MPI: variants seen among roughly 807,000 people sequenced by gnomAD.
MPI encodes the protein mannose-6-phosphate isomerase.
A neutral mutation model predicts 40.1 loss-of-function variants in MPI; 33 were observed. The ratio of observed to expected loss-of-function variants is 0.82; its 90% CI spans 0.62 to 1.10. MPI has a LOEUF of 1.10. Among genes scored for constraint, MPI ranks in the 50% least tolerant of loss-of-function variants. MPI has a pLI of 0.00. For synonymous variants in MPI, 187 were observed against 207.4 expected, an observed-to-expected ratio of 0.90 and a Z score of 0.85; for missense variants, 514 against 524.1, an observed-to-expected ratio of 0.98 and a Z score of 0.19.
intron 3 of MPI, 124 bp downstream of exon 3, chr15:74,891,703 C>A: frequency 1.9e-6 from 2 of 1,027,140 alleles, no homozygotes; most frequent in Non-Finnish European, 3.0e-6. Flanking sequence ...CAAATCCAGG[C>A]TGACAACTCC....
intron 5 of MPI, among the ~76,000 whole-genome samples, chr15:74,894,107 T>TGTGTGTGTGTGTGTGTTTCTGAGCCAG (rs1555478772): frequency 9.8e-5 from 6 of 60,996 alleles, no homozygotes; most frequent in Non-Finnish European, 2.8e-4. Context: ...TGTGTGTGTG[T>TGTGTGTGTGTGTGTGTTTCTGAGCCAG]GGTCTCTTTC....
chr15:74,891,116 G>C, intron 2 of MPI: 1 of 598,854 alleles, frequency 1.7e-6, no homozygotes. Context: ...TCTCCTCTTT[G>C]GACAGACAAA....
At chr15:74,894,038 CAGTGTGTGTGTGTGTGTGTG>C (rs2064767788) in intron 5 of MPI, among the ~76,000 whole-genome samples, 2 of 66,764 alleles carry the variant, frequency 3.0e-5, no homozygotes, top group African/African-American at 7.1e-5. Context: ...TTTTTCTGTT[CAGTGTGTGTGTGTGTGTGTG>C]TGTGTGTGTG....
rs757813144 is a variant in MPI, at chr15:74,897,558, C to G, written c.1100C>G (p.Ala367Gly). The G allele has an allele frequency of 1.9e-5, 30 of 1,614,152 alleles. 2 individuals are homozygous for G. The South Asian group carries it at 2.6e-4, about 14-fold the overall frequency. The change falls in exon 8 of 8, where the codon GCC (alanine) becomes GGC (glycine). Residue 367 changes from alanine to glycine, a missense_variant. Coordinates refer to ENST00000352410, the MANE Select transcript of MPI (RefSeq NM_002435.3). ...TACAAGGTCTTGGCACTGGACTCTG[C>G]CAGCATCCTCCTGATGGTACAGGGG... ...TEYKVLALDS[A>G]SILLMVQGTV...
chr15:74,896,665 T>G lies in MPI; in HGVS notation c.844+340T>G. 2.3e-5 allele frequency: 14 copies of G among 608,968 alleles called. 1 individual carries two copies. Among genetic ancestry groups the G allele is most frequent in the Non-Finnish European group, 4.1e-5 (14 of 342,834 alleles). The allele number at this position is 608,968 out of a possible 1,614,324, so 37.7% of individuals were successfully genotyped here. On this transcript the variant is annotated intron_variant, in intron 6 of 7. Transcript: ENST00000352410. ...GTATGTCTGTCCTACCTACCAGGGA[T>G]TTTTACACTAAAATATGCATGTTGC...
At position 74,897,840 on chromosome 15, in the gene MPI, AC is replaced by A; in HGVS notation, c.*113del. 1 of 1,063,468 alleles carries A rather than the reference AC, an allele frequency of 9.4e-7. No homozygotes were observed. Among genetic ancestry groups the A allele is most frequent in the Non-Finnish European group, 1.4e-6 (1 of 703,532 alleles). The allele number at this position is 1,063,468 out of a possible 1,614,324, so 65.9% of individuals were successfully genotyped here. On this transcript the variant is annotated 3_prime_UTR_variant, in exon 8 of 8. Transcript: ENST00000352410. The stretch of plus-strand genomic sequence containing the variant: ...TCCTTGCTCTGGACCCCTTAGGTAT[AC>A]CCTGGAAGAGCTGGGGTGGGGGAGG...
At chr15:74,894,097 TG>T (rs1375958239) in intron 5 of MPI, among the ~76,000 whole-genome samples, 2,779 of 47,744 alleles carry the variant, frequency 0.058, 426 homozygotes, top group East Asian at 0.25. Context: ...TGTGTGTGTG[TG>T]TGTGTGTGTG....
At chr15:74,891,256 C>A in intron 2 of MPI, 123 bp from the exon 3 acceptor site, 1 of 870,894 alleles carries the variant, frequency 1.1e-6, no homozygotes, top group Non-Finnish European at 1.9e-6. Context: ...TGTATCCAGA[C>A]CTGGGAGGCC....
At position 74,901,325 on chromosome 15, in the gene MPI, C is replaced by G. The variant is rs143749689; in HGVS notation, c.*3595C>G. The G allele has an allele frequency of 3.9e-5, 6 of 152,246 alleles. No individual in the cohort carries two copies. In the East Asian group the frequency reaches 1.2e-3, roughly 29 times the overall value. 9.4% of individuals were successfully genotyped at this position (152,246 alleles called of 1,614,324 possible). On this transcript the variant is annotated 3_prime_UTR_variant, in exon 8 of 8. Coordinates refer to ENST00000352410, the MANE Select transcript of MPI (RefSeq NM_002435.3). The stretch of plus-strand genomic sequence containing the variant: ...GTTAAGCCAAAAAACAAAACAAAAC[C>G]TGTTGGAAAAATTCTAGAAAGAGGC...
At chr15:74,894,107 T>TGTGTGTGTGTGTGTGTGTTTCTGAGCCAG (rs1555478772) in intron 5 of MPI, among the ~76,000 whole-genome samples, 1 of 61,004 alleles carries the variant, frequency 1.6e-5, no homozygotes, top group Admixed American at 2.0e-4. Flanking sequence ...TGTGTGTGTG[T>TGTGTGTGTGTGTGTGTGTTTCTGAGCCAG]GGTCTCTTTC....
At chr15:74,890,763 G>C in intron 2 of MPI, 109 bp downstream of exon 2, 2 of 1,496,882 alleles carry the variant, frequency 1.3e-6, no homozygotes, top group Non-Finnish European at 1.8e-6. Context: ...GGAGGGAGGA[G>C]ACCCACTTGG....
chr15:74,893,679 C>T (rs748329112), intron 5 of MPI: 5 of 575,692 alleles, frequency 8.7e-6, no homozygotes, highest in Non-Finnish European at 1.6e-5. Context: ...GGGACACGAG[C>T]ATCCTCCCTC....
Position 74,896,258 on chromosome 15 carries a change from G to C in MPI, c.777G>C (p.Leu259=). Residue 259 remains leucine (L), a synonymous_variant, in exon 6 of 8, where the codon CTG becomes CTC. Transcript: ENST00000352410. Reference sequence around the variant, plus strand: ...GCTTTGCCATCTACTTCCTGAACCTGCTTACCCTGAAGCCTGGGGAGGCCA... The same window carrying C: ...GCTTTGCCATCTACTTCCTGAACCTCCTTACCCTGAAGCCTGGGGAGGCCA... ...IGCFAIYFLN[L]LTLKPGEAMF... 1 of 1,614,162 alleles carries C rather than the reference G, an allele frequency of 6.2e-7. No homozygotes were observed. The highest frequency in any genetic ancestry group is 8.5e-7 in the Non-Finnish European group (1 of 1,180,030).
Position 74,900,637 on chromosome 15 carries a change from G to T in MPI, c.*2907G>T, listed in dbSNP as rs1252546231. Reference sequence around the variant, plus strand: ...GAAAGGCCTGGACATGGTCTCTGCAGATGGGGAAGGGGTTCTGGATGGAGA... The same window carrying T: ...GAAAGGCCTGGACATGGTCTCTGCATATGGGGAAGGGGTTCTGGATGGAGA... On this transcript the variant is annotated 3_prime_UTR_variant, in exon 8 of 8. Transcript: ENST00000352410. 1 of 152,308 alleles carries T rather than the reference G, an allele frequency of 6.6e-6. No individual in the cohort carries two copies. 9.4% of individuals were successfully genotyped at this position (152,308 alleles called of 1,614,324 possible). A position where few individuals can be genotyped will look rare whatever the true frequency, so the allele number is the denominator to read the frequency against.
chr15:74,897,478 G>A (rs770941713), intron 7 of MPI, 34 bp from the exon 8 acceptor site: 1 of 1,600,960 alleles, frequency 6.2e-7, no homozygotes, highest in Non-Finnish European at 8.6e-7. Context: ...AGCAGAGTCT[G>A]AGCTGCACTG....
Position 74,896,419 on chromosome 15 carries a change from C to T in MPI, c.844+94C>T, listed in dbSNP as rs775936635. 1.3e-5 allele frequency: 18 copies of T among 1,430,458 alleles called. No homozygotes were observed. The African/African-American group carries it at 2.5e-4, about 20-fold the overall frequency. The allele number at this position is 1,430,458 out of a possible 1,614,324, so 88.6% of individuals were successfully genotyped here. On this transcript the variant is annotated intron_variant, in intron 6 of 7. Transcript: ENST00000352410. ...GGAAGGAGAAGGGTGGTCAAGGAGA[C>T]CCCCAAGGACCTTGCAGCTCTGACC... is the stretch of plus-strand genomic sequence containing the variant.
rs1219820437 is a variant in MPI, at chr15:74,898,377, G to A, written c.*647G>A. On this transcript the variant is annotated 3_prime_UTR_variant, in exon 8 of 8. Coordinates refer to ENST00000352410, the MANE Select transcript of MPI (RefSeq NM_002435.3). ...GAGCAGGCTACACTCCAGAACACCG[G>A]TATGGGAAGGAGTGGGAGAGGAAGC... 1 of 171,096 alleles carries A rather than the reference G, an allele frequency of 5.8e-6. No individual in the cohort carries two copies. Among genetic ancestry groups the A allele is most frequent in the Non-Finnish European group, 1.3e-5 (1 of 77,468 alleles). The allele number at this position is 171,096 out of a possible 1,614,324, so 10.6% of individuals were successfully genotyped here. A position where few individuals can be genotyped will look rare whatever the true frequency, so the allele number is the denominator to read the frequency against.
Position 74,890,642 on chromosome 15 carries a change from G to A in MPI, c.132G>A (p.Lys44=), listed in dbSNP as rs778577329. 6.8e-6 allele frequency: 11 copies of A among 1,613,932 alleles called. No homozygotes were observed. In the East Asian group the frequency reaches 1.6e-4, roughly 23 times the overall value. The change falls in exon 2 of 8, where the codon AAG becomes AAA. Residue 44 remains lysine (K), a synonymous_variant. Transcript: ENST00000352410. ...SDPLAQIAED[K]PYAELWMGTH... is the part of the protein sequence containing the mutation. Reference sequence around the variant, plus strand: ...CACTGGCCCAGATCGCAGAGGACAAGCCTTATGCAGAGGTGAGCCCCGGGC... The same window carrying A: ...CACTGGCCCAGATCGCAGAGGACAAACCTTATGCAGAGGTGAGCCCCGGGC...
In MPI at chr15:74,896,261, T is replaced by C. The variant is rs371012451; in HGVS notation, c.780T>C (p.Leu260=). ...GCFAIYFLNL[L]TLKPGEAMFL... ...TTGCCATCTACTTCCTGAACCTGCT[T>C]ACCCTGAAGCCTGGGGAGGCCATGT... The change falls in exon 6 of 8, where the codon CTT becomes CTC. Residue 260 remains leucine, a synonymous_variant. Transcript: ENST00000352410. 47 of 1,614,044 alleles carry C rather than the reference T, an allele frequency of 2.9e-5. No individual in the cohort carries two copies. Among genetic ancestry groups the C allele is most frequent in the Non-Finnish European group, 3.7e-5 (44 of 1,180,028 alleles).
Sources: gnomAD v4.1 joint callset for allele counts (sites outside exome capture counted in the v4.1 genomes callset) on GRCh38, gnomAD v4.1.1 for gene constraint, MANE v1.5 for transcripts, NCBI Gene and HGNC (gene_info 2026-07-23, HGNC 2026-07-21) for gene names.